The following DSE variants were observed in gnomAD, a reference collection of about 807,000 sequenced individuals.
DSE encodes dermatan sulfate epimerase, also known as dermatan-sulfate epimerase.
In DSE, 36 loss-of-function variants were observed where a neutral mutation model predicts 84.4. The observed-to-expected ratio is 0.43, with a 90% CI of 0.33 to 0.56. The LOEUF (loss-of-function observed/expected upper bound fraction) is 0.56. DSE is among the 20% of genes least tolerant of loss of function. The pLI is 0.06. For missense variants in DSE, 862 were observed against 1,169.6 expected (o/e 0.74, Z 3.84); for synonymous variants, 410 against 430.1 (o/e 0.95, Z 0.58).
intron 2 of DSE, among the ~76,000 whole-genome samples, chr6:116,293,858 G>A (rs975655206): frequency 6.6e-6 from 1 of 151,876 alleles, no homozygotes; most frequent in African/African-American, 2.4e-5. Flanking sequence ...TCCAGCCTGG[G>A]TGACAGAATG....
chr6:116,372,221 T>C (rs2640872), intron 1 of DSE, among the ~76,000 whole-genome samples: 104,472 of 152,100 alleles, frequency 0.69, 36,598 homozygotes, highest in East Asian at 0.98. Flanking sequence ...GTAATCCCAG[T>C]ACTTTGGGAG....
At chr6:116,434,798 C>A (rs1018224102) in intron 5 of DSE, among the ~76,000 whole-genome samples, 3 of 152,176 alleles carry the variant, frequency 2.0e-5, no homozygotes, top group African/African-American at 7.2e-5. Context: ...CAGTCAATAT[C>A]AAACACCAAT....
chr6:116,318,291 G>T (rs1471585157), intron 2 of DSE, among the ~76,000 whole-genome samples: 3 of 152,172 alleles, frequency 2.0e-5, no homozygotes, highest in African/African-American at 7.2e-5. Flanking sequence ...CAGATCACAA[G>T]GTCAAGAGAT....
At chr6:116,405,638 G>T (rs1332626859) in intron 2 of DSE, among the ~76,000 whole-genome samples, 1 of 152,176 alleles carries the variant, frequency 6.6e-6, no homozygotes, top group African/African-American at 2.4e-5. Flanking sequence ...AACTTATGAG[G>T]CTTTTTACAA....
Position 116,440,725 on chromosome 6 carries a change from C to T in DSE, c.*3380C>T, listed in dbSNP as rs766326180. On this transcript the variant is annotated 3_prime_UTR_variant, in exon 6 of 6. Coordinates refer to ENST00000644252, the MANE Select transcript of DSE (RefSeq NM_013352.4). ...TTATTCCAGGACAACAGATATAAAT[C>T]GAGATTATACTAGGTGAACTGGGAC... The T allele has an allele frequency of 3.9e-5, 6 of 152,098 alleles. No homozygotes were observed. Among genetic ancestry groups the T allele is most frequent in the East Asian group, 1.9e-4 (1 of 5,200 alleles). 9.4% of individuals were successfully genotyped at this position (152,098 alleles called of 1,614,324 possible).
At position 116,396,319 on chromosome 6, in the gene DSE, T is replaced by C. The variant is rs927583074; in HGVS notation, c.-53-2879T>C. On this transcript the variant is annotated intron_variant, in intron 1 of 5. Transcript: ENST00000644252. ...GCCAGATACAAGAGAGATCAACTCT[T>C]TGGGTGAATCAACAAAAGCCTTAAT... 3.3e-5 allele frequency among the ~76,000 whole-genome samples: 5 copies of C among 152,190 alleles called. No individual in the cohort carries two copies. In the South Asian group the frequency reaches 8.3e-4, roughly 25 times the overall value.
chr6:116,306,838 G>A (rs1167422151), intron 2 of DSE, among the ~76,000 whole-genome samples: 1 of 152,142 alleles, frequency 6.6e-6, no homozygotes, highest in African/African-American at 2.4e-5. Flanking sequence ...TTTGCCTTGG[G>A]AAGATACAAC....
intron 2 of DSE, among the ~76,000 whole-genome samples, chr6:116,285,364 GTTGT>G (rs1271610390): frequency 6.6e-6 from 1 of 152,162 alleles, no homozygotes; most frequent in Non-Finnish European, 1.5e-5. Context: ...TTTTGATGGG[GTTGT>G]TTGATTTTTT....
At chr6:116,330,339 A>G (rs1439246824) in intron 2 of DSE, among the ~76,000 whole-genome samples, 2 of 152,230 alleles carry the variant, frequency 1.3e-5, no homozygotes, top group Non-Finnish European at 2.9e-5. Flanking sequence ...AAGGCGTATT[A>G]AAAATGGTCC....
chr6:116,273,128 T>C (rs772506266), intron 2 of DSE, among the ~76,000 whole-genome samples: 13 of 152,204 alleles, frequency 8.5e-5, no homozygotes, highest in Non-Finnish European at 1.8e-4. Flanking sequence ...TACATGGTAA[T>C]TGTAAAACCG....
intron 2 of DSE, chr6:116,279,678 C>G (rs1233301452): frequency 6.2e-7 from 1 of 1,609,390 alleles, no homozygotes; most frequent in Admixed American, 1.7e-5. Context: ...CCGAGCCTCC[C>G]TCACCCGGCT....
intron 2 of DSE, among the ~76,000 whole-genome samples, chr6:116,329,615 C>T (rs910166342): frequency 1.3e-5 from 2 of 152,084 alleles, no homozygotes; most frequent in African/African-American, 2.4e-5. Flanking sequence ...TGTTATTTCA[C>T]GTGAAACTTT....
intron 2 of DSE, among the ~76,000 whole-genome samples, chr6:116,349,517 G>A (rs1778193834): frequency 6.6e-6 from 1 of 152,206 alleles, no homozygotes; most frequent in African/African-American, 2.4e-5. Flanking sequence ...AATATACACA[G>A]CCAGAGAAGT....
intron 2 of DSE, among the ~76,000 whole-genome samples, chr6:116,260,799 G>A (rs1244560846): frequency 6.6e-6 from 1 of 152,138 alleles, no homozygotes; most frequent in Non-Finnish European, 1.5e-5. Context: ...CTGTAGGTGT[G>A]CAGTCTTATT....
At chr6:116,355,512 T>G (rs148475024) in intron 2 of DSE, among the ~76,000 whole-genome samples, 96 of 152,340 alleles carry the variant, frequency 6.3e-4, no homozygotes, top group African/African-American at 2.2e-3. Context: ...TTCTGTTTTG[T>G]GCCCTAGTAG....
At chr6:116,343,365 C>G (rs954770631) in intron 2 of DSE, among the ~76,000 whole-genome samples, 4 of 152,196 alleles carry the variant, frequency 2.6e-5, no homozygotes, top group African/African-American at 9.7e-5. Context: ...GTCCCTGACC[C>G]CCAAGTAGCC....
At chr6:116,272,468 T>G (rs1772922770) in intron 2 of DSE, among the ~76,000 whole-genome samples, 1 of 152,236 alleles carries the variant, frequency 6.6e-6, no homozygotes, top group Admixed American at 6.5e-5. Flanking sequence ...AGACCTCTTT[T>G]GTTGAATTCA....
chr6:116,407,099 C>T (rs1360730953), intron 2 of DSE, among the ~76,000 whole-genome samples: 2 of 152,194 alleles, frequency 1.3e-5, no homozygotes, highest in African/African-American at 4.8e-5. Flanking sequence ...GTGAGTCTTT[C>T]ACCATATTGG....
At chr6:116,319,083 C>A (rs916425868) in intron 2 of DSE, among the ~76,000 whole-genome samples, 3 of 152,086 alleles carry the variant, frequency 2.0e-5, no homozygotes, top group Non-Finnish European at 4.4e-5. Flanking sequence ...TTTATTCTTT[C>A]TTTACTTTTT....
Sources: allele counts gnomAD v4.1 joint callset (sites outside exome capture counted in the v4.1 genomes callset), GRCh38; gene constraint gnomAD v4.1.1; transcripts MANE v1.5; gene names NCBI Gene and HGNC (gene_info 2026-07-23, HGNC 2026-07-21).